Variants in TAF6 observed in about 807,000 individuals in gnomAD.
The protein encoded by TAF6 is TATA-box binding protein associated factor 6, also known as transcription initiation factor TFIID subunit 6.
TAF6 carries 50 observed loss-of-function variants against 73.5 expected under a neutral mutation model. The observed-to-expected ratio is 0.68, with a 90% CI of 0.54 to 0.86. The LOEUF is 0.86. TAF6 is among the 40% of genes least tolerant of loss of function. TAF6 has a pLI of 0.00. For missense variants in TAF6, 768 were observed against 899.5 expected, an observed-to-expected ratio of 0.85 and a Z score of 1.87; for synonymous variants, 424 against 376.7, an observed-to-expected ratio of 1.13 and a Z score of -1.45.
chr7:100,108,981 T>G (rs1796881552), intron 12 of TAF6: 1 of 150,692 alleles, frequency 6.6e-6, no homozygotes, highest in Non-Finnish European at 1.4e-5. Context: ...AGAGGTTGCA[T>G]CAGTGCACTC....
In TAF6 at chr7:100,111,942, T is replaced by C. The variant is rs748917815; in HGVS notation, c.778A>G (p.Ser260Gly). ...CTCACCCCCTCCGAGATAAAGGTAC[T>C]GAACCGTGGCAGCATCTGATACAGT... ...PGLYQMLPRF[S>G]TFISEGVRVN... The change falls in exon 8 of 15, where the codon AGT becomes GGT. Residue 260 changes from serine (S) to glycine (G), a missense_variant. Ser to Gly is a moderately conservative substitution (Grantham distance 56). This residue lies in a region of TAF6 where 78 missense variants were observed against 153.4 expected (regional missense o/e 0.51). Coordinates refer to ENST00000453269, the MANE Select transcript of TAF6 (RefSeq NM_139315.3). The C allele has an allele frequency of 1.9e-6, 3 of 1,613,880 alleles. No individual in the cohort carries two copies. The highest frequency in any genetic ancestry group is 1.7e-6 in the Non-Finnish European group (2 of 1,179,936).
intron 9 of TAF6, 76 bp from the exon 10 acceptor site, chr7:100,111,397 G>A: frequency 2.0e-6 from 3 of 1,523,484 alleles, no homozygotes; most frequent in Non-Finnish European, 2.7e-6. Flanking sequence ...CTGTCACCCA[G>A]GCTGGTGTGC....
At chr7:100,122,203 G>A (rs1474416553), upstream of TAF6, 6 of 1,606,110 alleles carry the variant, frequency 3.7e-6, no homozygotes, top group African/African-American at 1.3e-5. Flanking sequence ...TCTGCAGAAT[G>A]AATGGCTGGT....
chr7:100,121,073 A>C, upstream of TAF6: 1 of 90,006 alleles, frequency 1.1e-5, no homozygotes, highest in Non-Finnish European at 2.2e-5. Flanking sequence ...TACTATTATT[A>C]TCCAATTGTA....
chr7:100,108,551 GAAA>G lies in TAF6; in HGVS notation c.1285-14_1285-12del, dbSNP rs934943423. Reference sequence around the variant, plus strand: ...AGGAGCACAGTGTTTCTGCAGAACAGAAAAAAAGCCAGGTAGAGGGAGGGCTGG... The same window carrying G: ...AGGAGCACAGTGTTTCTGCAGAACAGAAAAGCCAGGTAGAGGGAGGGCTGG... On this transcript the variant is annotated splice_polypyrimidine_tract_variant and intron_variant, in intron 12 of 14. Coordinates refer to ENST00000453269, the MANE Select transcript of TAF6 (RefSeq NM_139315.3). The G allele has an allele frequency of 1.9e-6, 3 of 1,582,426 alleles. No homozygotes were observed. Among genetic ancestry groups the G allele is most frequent in the Admixed American group, 3.5e-5 (2 of 56,682 alleles).
chr7:100,119,567 C>A, upstream of TAF6: 2 of 1,427,202 alleles, frequency 1.4e-6, no homozygotes, highest in Non-Finnish European at 1.9e-6. Context: ...CGCCACAAAA[C>A]GGAGGCAGGG....
chr7:100,119,949 C>T (rs1797981055), upstream of TAF6: 2 of 1,223,772 alleles, frequency 1.6e-6, no homozygotes, highest in South Asian at 3.1e-5. Flanking sequence ...TTGGGTGGGT[C>T]ACCCGACCTC....
intron 10 of TAF6, among the ~76,000 whole-genome samples, chr7:100,110,598 G>C (rs1797082610): frequency 6.6e-6 from 1 of 152,196 alleles, no homozygotes; most frequent in Admixed American, 6.5e-5. Flanking sequence ...GATCACCTGA[G>C]GTCGGGAGTT....
At chr7:100,110,133 G>A in intron 11 of TAF6, 60 bp from the exon 12 acceptor site, 2 of 1,613,974 alleles carry the variant, frequency 1.2e-6, no homozygotes, top group South Asian at 1.1e-5. Context: ...CCCAGATGGG[G>A]GTACAGTGCC....
At chr7:100,123,041 T>A (rs1203731100), upstream of TAF6, 2 of 1,003,904 alleles carry the variant, frequency 2.0e-6, no homozygotes, top group Non-Finnish European at 2.8e-6. Flanking sequence ...GTGCCATTGA[T>A]TAAAGTGGGT....
chr7:100,119,721 ATTGT>A (rs755399414), upstream of TAF6: 36 of 1,614,020 alleles, frequency 2.2e-5, no homozygotes, highest in East Asian at 8.9e-5. Context: ...GCAAGCGGTG[ATTGT>A]TTGTAGACGG....
chr7:100,108,214 A>T, intron 13 of TAF6, 91 bp from the exon 14 acceptor site: 1 of 1,465,654 alleles, frequency 6.8e-7, no homozygotes, highest in East Asian at 2.4e-5. Flanking sequence ...GCTCTTCCTC[A>T]GTGGCTCTCA....
chr7:100,122,463 T>C (rs747389340), upstream of TAF6: 2 of 1,614,050 alleles, frequency 1.2e-6, no homozygotes, highest in African/African-American at 1.3e-5. Flanking sequence ...GGAATCTTTG[T>C]TTCCTCTCTT....
chr7:100,122,684 A>G (rs1798108244), upstream of TAF6: 2 of 1,521,594 alleles, frequency 1.3e-6, no homozygotes, highest in African/African-American at 2.8e-5. Flanking sequence ...CATGGAACTC[A>G]CCCTTGAATC....
In TAF6 at chr7:100,107,516, G is replaced by A. The variant is rs764264495; in HGVS notation, c.1764C>T (p.Ala588=). The A allele has an allele frequency of 1.2e-6, 2 of 1,614,078 alleles. No homozygotes were observed. Among genetic ancestry groups the A allele is most frequent in the Non-Finnish European group, 1.7e-6 (2 of 1,179,982 alleles). ...GAGCAGTGCTGGGGGGTGCGGTGGT[G>A]GCGGTGGAGACCAACTTGACGATGG... ...VQPIVKLVST[A]TTAPPSTAPS... The change falls in exon 15 of 15, where the codon GCC becomes GCT. Residue 588 remains alanine (A), a synonymous_variant. Transcript: ENST00000453269.
At chr7:100,121,121 T>A (rs1398097180), upstream of TAF6, 426 of 42,010 alleles carry the variant, frequency 0.01, no homozygotes, top group Middle Eastern at 0.031. Flanking sequence ...TATATATTTT[T>A]TTTTTTTTTT....
chr7:100,113,830 G>A (rs374598451), intron 3 of TAF6, 38 bp downstream of exon 3: 2 of 1,586,346 alleles, frequency 1.3e-6, no homozygotes, highest in African/African-American at 1.4e-5. Context: ...GCTGAAGGAT[G>A]GCGTCTCACC....
upstream of TAF6, chr7:100,121,972 C>A (rs1798086567): frequency 9.5e-6 from 3 of 316,504 alleles, no homozygotes; most frequent in Non-Finnish European, 1.8e-5. Flanking sequence ...ATGGCGTGAA[C>A]CCAGGAGGCG....
At chr7:100,108,756 G>A (rs1193259771) in intron 12 of TAF6, 6 of 480,938 alleles carry the variant, frequency 1.2e-5, no homozygotes, top group Non-Finnish European at 2.2e-5. Context: ...TGGGCACGGG[G>A]CCAGGTGCAG....
Sources: gnomAD v4.1 joint callset for allele counts (sites outside exome capture counted in the v4.1 genomes callset) on GRCh38, gnomAD v4.1.1 for gene constraint, gnomAD v4.1.1 regional missense constraint, MANE v1.5 for transcripts, NCBI Gene and HGNC (gene_info 2026-07-23, HGNC 2026-07-21) for gene names.